ELAPOR2: variants seen among roughly 807,000 people sequenced by gnomAD.
ELAPOR2 encodes endosome/lysosome-associated apoptosis and autophagy regulator family member 2.
A neutral mutation model predicts 120.7 loss-of-function variants in ELAPOR2; 89 were observed. That is an observed-to-expected ratio of 0.74 (90% CI 0.62 to 0.88). The LOEUF (loss-of-function observed/expected upper bound fraction) is 0.88, where lower values mean the gene tolerates loss of function less well. Ranked by LOEUF, ELAPOR2 falls within the 40% of genes least tolerant of loss-of-function variation. The probability of loss-of-function intolerance (pLI) is 0.00; values close to 1 mark genes in which losing one functional copy is unlikely to be tolerated. For synonymous variants in ELAPOR2, 444 were observed against 444.9 expected (o/e 1.00, Z 0.03); for missense variants, 1,134 against 1,251.6 (o/e 0.91, Z 1.42).
intron 19 of ELAPOR2, among the ~76,000 whole-genome samples, chr7:86,894,916 A>G (rs1246786011): frequency 6.6e-6 from 1 of 152,058 alleles, no homozygotes; most frequent in African/African-American, 2.4e-5. Context: ...TGGAGATCCA[A>G]TTTGATAAGA....
intron 18 of ELAPOR2, among the ~76,000 whole-genome samples, chr7:86,904,404 G>A (rs1788870538): frequency 6.6e-6 from 1 of 152,138 alleles, no homozygotes; most frequent in East Asian, 1.9e-4. Context: ...CATCTATTTA[G>A]GGGCATCTAT....
intron 4 of ELAPOR2, among the ~76,000 whole-genome samples, chr7:86,942,650 G>C (rs1790847083): frequency 6.6e-6 from 1 of 151,960 alleles, no homozygotes; most frequent in Non-Finnish European, 1.5e-5. Context: ...GGGGGTAAAT[G>C]GTAATCATTT....
At chr7:86,975,132 A>G (rs1011491064) in intron 1 of ELAPOR2, among the ~76,000 whole-genome samples, 18 of 152,232 alleles carry the variant, frequency 1.2e-4, no homozygotes, top group Admixed American at 2.6e-4. Flanking sequence ...GCTGACTTCA[A>G]AATTTGGCTT....
At chr7:86,933,488 G>T (rs980116829) in intron 8 of ELAPOR2, among the ~76,000 whole-genome samples, 2 of 151,872 alleles carry the variant, frequency 1.3e-5, no homozygotes, top group African/African-American at 4.8e-5. Context: ...TGACTTTAAG[G>T]ATCTCAGGTT....
intron 1 of ELAPOR2, among the ~76,000 whole-genome samples, chr7:86,986,132 C>T (rs1226356256): frequency 7.0e-6 from 1 of 142,560 alleles, no homozygotes; most frequent in Admixed American, 6.9e-5. Flanking sequence ...TCCCTGTTTG[C>T]AGATGGCATG....
chr7:87,020,449 T>A (rs1794002168), intron 1 of ELAPOR2, among the ~76,000 whole-genome samples: 1 of 151,982 alleles, frequency 6.6e-6, no homozygotes, highest in African/African-American at 2.4e-5. Flanking sequence ...GACATAGGAG[T>A]AAAGTACTGA....
At chr7:86,979,096 AG>A (rs770638496) in intron 1 of ELAPOR2, among the ~76,000 whole-genome samples, 70 of 149,192 alleles carry the variant, frequency 4.7e-4, no homozygotes, top group Non-Finnish European at 7.5e-4. Flanking sequence ...CTGTATCACA[AG>A]AGTTGGATTT....
chr7:87,024,907 A>G (rs935369978), intron 1 of ELAPOR2, among the ~76,000 whole-genome samples: 2 of 152,056 alleles, frequency 1.3e-5, no homozygotes, highest in Non-Finnish European at 2.9e-5. Flanking sequence ...TGAGGCAATA[A>G]TAAAATTTAT....
intron 1 of ELAPOR2, among the ~76,000 whole-genome samples, chr7:87,010,482 T>A (rs947690250): frequency 6.6e-6 from 1 of 152,238 alleles, no homozygotes; most frequent in Non-Finnish European, 1.5e-5. Context: ...TACATTTCTA[T>A]GCATTTCTAC....
chr7:86,972,536 G>T (rs1160648318), intron 1 of ELAPOR2, among the ~76,000 whole-genome samples: 1 of 151,136 alleles, frequency 6.6e-6, no homozygotes, highest in Non-Finnish European at 1.5e-5. Flanking sequence ...TATTTCCTCT[G>T]GGAAAAAATT....
At chr7:86,904,383 G>T (rs1051649357) in intron 18 of ELAPOR2, among the ~76,000 whole-genome samples, 1 of 152,280 alleles carries the variant, frequency 6.6e-6, no homozygotes, top group African/African-American at 2.4e-5. Context: ...TTTAGGCAAA[G>T]GCTAGAGGGC....
Position 86,965,005 on chromosome 7 carries a change from T to C in ELAPOR2, c.209A>G (p.Tyr70Cys). The C allele has an allele frequency of 6.4e-7, 1 of 1,551,594 alleles. No individual in the cohort carries two copies. Reference protein sequence around the residue: ...PCQEKDYHFEYTECDSSGSRW... With the variant: ...PCQEKDYHFECTECDSSGSRW... ...GGAGCCACTGCTATCACATTCCGTATATTCAAAGTGATAATCTTTCTGCAA... is the reference window on the plus strand; with the variant it reads ...GGAGCCACTGCTATCACATTCCGTACATTCAAAGTGATAATCTTTCTGCAA... The change falls in exon 2 of 22, where the codon TAT (tyrosine) becomes TGT (cysteine). Residue 70 changes from tyrosine to cysteine, a missense_variant. By Grantham distance (194) the Tyr-to-Cys change is radical. Transcript: ENST00000450689.
chr7:86,999,521 A>T (rs1793240850), intron 1 of ELAPOR2, among the ~76,000 whole-genome samples: 1 of 152,188 alleles, frequency 6.6e-6, no homozygotes, highest in Non-Finnish European at 1.5e-5. Context: ...AGTAAAGAAT[A>T]AAAATGATTT....
At chr7:87,001,150 G>A (rs1026071578) in intron 1 of ELAPOR2, among the ~76,000 whole-genome samples, 14 of 152,150 alleles carry the variant, frequency 9.2e-5, no homozygotes, top group Non-Finnish European at 1.5e-4. Context: ...AGCTGATTGT[G>A]AGGAAGAAAG....
chr7:86,968,414 C>T (rs1791993239), intron 1 of ELAPOR2, among the ~76,000 whole-genome samples: 1 of 152,118 alleles, frequency 6.6e-6, no homozygotes, highest in Non-Finnish European at 1.5e-5. Flanking sequence ...ATTCGAAGGA[C>T]ATACCAAAAC....
rs550872780 is a variant in ELAPOR2, at chr7:87,042,905, G to A, written c.189+16420C>T. 2.2e-3 allele frequency among the ~76,000 whole-genome samples: 331 copies of A among 151,972 alleles called. 2 individuals carry two copies. Among genetic ancestry groups the A allele is most frequent in the African/African-American group, 7.4e-3 (306 of 41,482 alleles). On this transcript the variant is annotated intron_variant, in intron 1 of 21. Coordinates refer to ENST00000450689, the MANE Select transcript of ELAPOR2 (RefSeq NM_001142749.3). The stretch of plus-strand genomic sequence containing the variant: ...AAAAAGAGAGAGGAATCAAATAGAC[G>A]CAATAAAAAATGATAAAGGGGATAT...
At chr7:86,898,315 T>C (rs1788542367) in intron 18 of ELAPOR2, among the ~76,000 whole-genome samples, 1 of 152,088 alleles carries the variant, frequency 6.6e-6, no homozygotes, top group Admixed American at 6.6e-5. Flanking sequence ...AGACTGAAAG[T>C]AAATCAGTAG....
At chr7:87,031,400 G>A (rs897529183) in intron 1 of ELAPOR2, among the ~76,000 whole-genome samples, 1 of 152,002 alleles carries the variant, frequency 6.6e-6, no homozygotes, top group Non-Finnish European at 1.5e-5. Context: ...CTCTGAATGA[G>A]TGGCATGAGA....
rs143952344 is a variant in ELAPOR2, at chr7:86,897,629, C to T, written c.2562G>A (p.Lys854=). Residue 854 remains lysine (K), a synonymous_variant, in exon 19 of 22, where the codon AAG becomes AAA. Transcript: ENST00000450689. ...SGAGVISVPS[K]CPAGTCDGCT... is the part of the protein sequence containing the mutation. ...ACCCATCACAGGTACCTGCTGGGCA[C>T]TTGCTAAAATCATAAACAAAACCAA... The T allele has an allele frequency of 2.0e-5, 33 of 1,612,862 alleles. No homozygotes were observed. The African/African-American group carries it at 4.3e-4, about 21-fold the overall frequency.
Sources: allele counts gnomAD v4.1 joint callset (sites outside exome capture counted in the v4.1 genomes callset), GRCh38; gene constraint gnomAD v4.1.1; transcripts MANE v1.5; gene names NCBI Gene and HGNC (gene_info 2026-07-23, HGNC 2026-07-21).